Variants in TMPRSS11A observed in about 807,000 individuals in gnomAD.
TMPRSS11A encodes the protein transmembrane protease serine 11A.
A neutral mutation model predicts 58.9 loss-of-function variants in TMPRSS11A; 53 were observed. The ratio of observed to expected loss-of-function variants is 0.90; its 90% confidence interval spans 0.72 to 1.13. The LOEUF is 1.13. Ranked by LOEUF, TMPRSS11A falls within the 50% of genes most tolerant of loss-of-function variation. The pLI is 0.00. For synonymous variants in TMPRSS11A, 167 were observed against 169.8 expected (o/e 0.98, Z 0.13); for missense variants, 493 against 499.3 (o/e 0.99, Z 0.12).
chr4:67,911,611 T>C, intron 9 of TMPRSS11A, 108 bp from the exon 10 acceptor site: 1 of 743,312 alleles, frequency 1.3e-6, no homozygotes, highest in Non-Finnish European at 2.1e-6. Context: ...AGTACATGTA[T>C]AGACTATCAA....
At chr4:67,933,130 A>T (rs1474592903) in intron 3 of TMPRSS11A, among the ~76,000 whole-genome samples, 1 of 148,704 alleles carries the variant, frequency 6.7e-6, no homozygotes, top group African/African-American at 2.5e-5. Flanking sequence ...CACACACACA[A>T]ATATAGGGAA....
rs577297847 is a variant in TMPRSS11A at position 67,946,389 on chromosome 4, T to G, written c.133+61A>C. The G allele has an allele frequency of 3.8e-5, 57 of 1,516,840 alleles. No individual in the cohort carries two copies. The African/African-American group carries it at 7.3e-4, about 20-fold the overall frequency. The allele number at this position is 1,516,840 out of a possible 1,614,324, so 94.0% of individuals were successfully genotyped here. ...TTAGATGAAGTTACATTTACATATATGTAAATGGAGCTTTGCAGAAAAATA... is the reference window on the plus strand; with the variant it reads ...TTAGATGAAGTTACATTTACATATAGGTAAATGGAGCTTTGCAGAAAAATA... On this transcript the variant is annotated intron_variant, in intron 2 of 9. Transcript: ENST00000508048.
At chr4:67,930,138 G>A in intron 4 of TMPRSS11A, 98 bp from the exon 5 acceptor site, 1 of 1,122,698 alleles carries the variant, frequency 8.9e-7, no homozygotes, top group Non-Finnish European at 1.3e-6. Flanking sequence ...TCCCTCAGTT[G>A]CTGAGAGTGT....
At position 67,947,444 on chromosome 4, in the gene TMPRSS11A, T is replaced by C. The variant is rs529739569; in HGVS notation, c.12-873A>G. Reference sequence around the variant, plus strand: ...ATTGAAGAGATCAAGCTAAACATCCTTTAGAATATCTTACTTTCTGGACTT... The same window carrying C: ...ATTGAAGAGATCAAGCTAAACATCCCTTAGAATATCTTACTTTCTGGACTT... On this transcript the variant is annotated intron_variant, in intron 1 of 9. Coordinates refer to ENST00000508048, the MANE Select transcript of TMPRSS11A (RefSeq NM_001114387.2). Among the ~76,000 whole-genome samples, 91 of 152,338 alleles carry C rather than the reference T, an allele frequency of 6.0e-4. No homozygotes were observed. The Middle Eastern group carries it at 0.017, about 28-fold the overall frequency.
At chr4:67,935,030 T>G (rs886578017) in intron 3 of TMPRSS11A, among the ~76,000 whole-genome samples, 1 of 152,202 alleles carries the variant, frequency 6.6e-6, no homozygotes, top group Admixed American at 6.5e-5. Flanking sequence ...AAAAAAACTT[T>G]AGATCCTATT....
At chr4:67,921,374 C>T (rs1394365504) in intron 7 of TMPRSS11A, among the ~76,000 whole-genome samples, 1 of 152,098 alleles carries the variant, frequency 6.6e-6, no homozygotes, top group African/African-American at 2.4e-5. Context: ...TGCATTGTCA[C>T]TCAGGCTGGA....
rs1267776949 is a variant in TMPRSS11A, at chr4:67,909,971, T to C, written c.*1371A>G. 1 of 152,064 alleles carries C rather than the reference T, an allele frequency of 6.6e-6. No homozygotes were observed. Among genetic ancestry groups the C allele is most frequent in the Non-Finnish European group, 1.5e-5 (1 of 67,934 alleles). The allele number at this position is 152,064 out of a possible 1,614,324, so 9.4% of individuals were successfully genotyped here. A position where few individuals can be genotyped will look rare whatever the true frequency, so the allele number is the denominator to read the frequency against. On this transcript the variant is annotated 3_prime_UTR_variant, in exon 10 of 10. Coordinates refer to ENST00000508048, the MANE Select transcript of TMPRSS11A (RefSeq NM_001114387.2). ...TCTCAATAGCATGTGAGGGAAATTA[T>C]TATAAAGCAAGTTCATCGTTCCAAT...
At chr4:67,932,094 T>C in intron 3 of TMPRSS11A, 34 bp from the exon 4 acceptor site, 2 of 1,228,532 alleles carry the variant, frequency 1.6e-6, no homozygotes, top group Non-Finnish European at 2.4e-6. Context: ...TATGTGTTAA[T>C]AATATATTTT....
chr4:67,947,794 T>C (rs542675076), intron 1 of TMPRSS11A, among the ~76,000 whole-genome samples: 7 of 152,332 alleles, frequency 4.6e-5, no homozygotes, highest in African/African-American at 1.7e-4. Context: ...ATGGGCTGCA[T>C]TAGCCTTGTT....
intron 1 of TMPRSS11A, among the ~76,000 whole-genome samples, chr4:67,949,317 T>C (rs1721100196): frequency 6.6e-6 from 1 of 152,090 alleles, no homozygotes; most frequent in Admixed American, 6.6e-5. Context: ...ATGGAAGTCA[T>C]ATCTTCAAAT....
intron 3 of TMPRSS11A, among the ~76,000 whole-genome samples, chr4:67,939,602 C>T (rs1369731570): frequency 6.6e-6 from 1 of 152,004 alleles, no homozygotes; most frequent in Non-Finnish European, 1.5e-5. Context: ...GATGCCTAGT[C>T]TAAGTGTTTT....
chr4:67,931,521 A>C (rs1720619353), intron 4 of TMPRSS11A, among the ~76,000 whole-genome samples: 1 of 152,170 alleles, frequency 6.6e-6, no homozygotes, highest in Non-Finnish European at 1.5e-5. Flanking sequence ...TACAACAGGA[A>C]TATCTTTTTG....
At chr4:67,945,130 C>G (rs959646380) in intron 2 of TMPRSS11A, among the ~76,000 whole-genome samples, 2 of 152,032 alleles carry the variant, frequency 1.3e-5, no homozygotes, top group African/African-American at 4.8e-5. Flanking sequence ...GAGCCAGGCA[C>G]ACTAAGAAAA....
chr4:67,953,897 G>A (rs960413213), intron 1 of TMPRSS11A, among the ~76,000 whole-genome samples: 2 of 152,218 alleles, frequency 1.3e-5, no homozygotes, highest in East Asian at 3.9e-4. Context: ...TGGTCAGATA[G>A]GTCAACACAA....
chr4:67,917,576 T>G (rs1404872365), intron 8 of TMPRSS11A, among the ~76,000 whole-genome samples: 1 of 152,166 alleles, frequency 6.6e-6, no homozygotes, highest in East Asian at 1.9e-4. Context: ...CTTAACAGAT[T>G]AAGAATGATA....
intron 1 of TMPRSS11A, among the ~76,000 whole-genome samples, chr4:67,962,066 C>T (rs929470450): frequency 2.0e-5 from 3 of 152,080 alleles, no homozygotes; most frequent in Non-Finnish European, 4.4e-5. Context: ...TGCATTTTCA[C>T]ATTCAATATA....
intron 1 of TMPRSS11A, among the ~76,000 whole-genome samples, chr4:67,960,229 G>T (rs965188810): frequency 6.6e-6 from 1 of 152,102 alleles, no homozygotes; most frequent in Non-Finnish European, 1.5e-5. Flanking sequence ...CACTACCTGG[G>T]TGCAATATAT....
chr4:67,949,294 CT>C (rs1721099341), intron 1 of TMPRSS11A, among the ~76,000 whole-genome samples: 1 of 152,016 alleles, frequency 6.6e-6, no homozygotes, highest in African/African-American at 2.4e-5. Context: ...CATTGACATA[CT>C]GATCAAGTGT....
At chr4:67,946,397 G>T in intron 2 of TMPRSS11A, 53 bp downstream of exon 2, 1 of 1,531,528 alleles carries the variant, frequency 6.5e-7, no homozygotes, top group Non-Finnish European at 8.8e-7. Context: ...TATGTAAATG[G>T]AGCTTTGCAG....
Sources: gnomAD v4.1 joint callset for allele counts (sites outside exome capture counted in the v4.1 genomes callset) on GRCh38, gnomAD v4.1.1 for gene constraint, MANE v1.5 for transcripts, NCBI Gene and HGNC (gene_info 2026-07-23, HGNC 2026-07-21) for gene names.